The following RPH3A variants were observed in gnomAD, a reference collection of about 807,000 sequenced individuals.
RPH3A encodes the protein rabphilin 3A.
A neutral mutation model predicts 102.2 loss-of-function variants in RPH3A; 48 were observed. That is an observed-to-expected ratio of 0.47 (90% CI 0.37 to 0.60). The LOEUF is 0.60. Among genes scored for constraint, RPH3A ranks in the 20% least tolerant of loss-of-function variants. RPH3A has a pLI of 0.00. For synonymous variants in RPH3A, 310 were observed against 324.3 expected (o/e 0.96, Z 0.47); for missense variants, 781 against 910.1 (o/e 0.86, Z 1.83).
At chr12:112,729,377 G>A (rs918106299) in intron 1 of RPH3A, among the ~76,000 whole-genome samples, 2 of 152,116 alleles carry the variant, frequency 1.3e-5, no homozygotes, top group African/African-American at 4.8e-5. Context: ...GTAGAGACAG[G>A]GTTTCACCAT....
intron 1 of RPH3A, among the ~76,000 whole-genome samples, chr12:112,760,091 C>T (rs1308360458): frequency 6.6e-6 from 1 of 152,178 alleles, no homozygotes; most frequent in Admixed American, 6.5e-5. Context: ...GCTGAAACAC[C>T]ACATTTAATA....
In RPH3A at chr12:112,868,464, G is replaced by C; in HGVS notation, c.479G>C (p.Gly160Ala). 1.2e-6 allele frequency: 2 copies of C among 1,614,130 alleles called. No homozygotes were observed. The highest frequency in any genetic ancestry group is 1.3e-5 in the African/African-American group (1 of 75,024). ...WKRSGAWFFK[G>A]FPKQVLPQPM... is the part of the protein sequence containing the mutation. The stretch of plus-strand genomic sequence containing the variant: ...CGTTCTGGAGCGTGGTTCTTCAAAG[G>C]CTTCCCCAAACAGGTCCTCCCACAG... The change falls in exon 8 of 22, where the codon GGC becomes GCC. Residue 160 changes from glycine (G) to alanine (A), a missense_variant. Around this residue, in one of 2 missense-constraint regions of RPH3A, gnomAD observed 730 missense variants for 810.0 expected, o/e 0.90. Transcript: ENST00000389385.
intron 1 of RPH3A, among the ~76,000 whole-genome samples, chr12:112,679,500 A>G (rs2040212074): frequency 6.6e-6 from 1 of 151,966 alleles, no homozygotes; most frequent in African/African-American, 2.4e-5. Flanking sequence ...ATCTTGGCTC[A>G]CTGCAACCTC....
chr12:112,877,207 T>C (rs1474030576), intron 13 of RPH3A, among the ~76,000 whole-genome samples: 1 of 152,138 alleles, frequency 6.6e-6, no homozygotes, highest in Non-Finnish European at 1.5e-5. Flanking sequence ...AACATAGAAT[T>C]ATTATATGAC....
intron 1 of RPH3A, among the ~76,000 whole-genome samples, chr12:112,645,035 G>A (rs1366062808): frequency 6.6e-6 from 1 of 152,150 alleles, no homozygotes; most frequent in Admixed American, 6.5e-5. Context: ...ATTTTCATTT[G>A]ATTTTTAAAA....
At chr12:112,701,322 G>A (rs549125664) in intron 1 of RPH3A, among the ~76,000 whole-genome samples, 242 of 152,304 alleles carry the variant, frequency 1.6e-3, no homozygotes, top group African/African-American at 5.6e-3. Flanking sequence ...TACAATGCGG[G>A]AAGTTGAAAA....
intron 1 of RPH3A, among the ~76,000 whole-genome samples, chr12:112,582,989 A>G (rs2039410916): frequency 6.6e-6 from 1 of 152,108 alleles, no homozygotes; most frequent in South Asian, 2.1e-4. Context: ...TGCCCCAGAA[A>G]CTTGCTGGGT....
chr12:112,639,455 T>G (rs1174046914), intron 1 of RPH3A, among the ~76,000 whole-genome samples: 1 of 151,408 alleles, frequency 6.6e-6, no homozygotes, highest in Non-Finnish European at 1.5e-5. Flanking sequence ...TGAGAGCACA[T>G]GGATACATGA....
At chr12:112,833,555 T>G (rs142167373) in intron 3 of RPH3A, among the ~76,000 whole-genome samples, 1 of 73,354 alleles carries the variant, frequency 1.4e-5, no homozygotes, top group Non-Finnish European at 3.3e-5. Flanking sequence ...CCAGAAACAC[T>G]TTAGCCCCCT....
At chr12:112,671,074 C>T (rs2040125986) in intron 1 of RPH3A, among the ~76,000 whole-genome samples, 1 of 152,140 alleles carries the variant, frequency 6.6e-6, no homozygotes, top group South Asian at 2.1e-4. Flanking sequence ...TTCTGAGCCA[C>T]CAGCCATGAG....
At chr12:112,683,715 C>A (rs1225162783) in intron 1 of RPH3A, among the ~76,000 whole-genome samples, 3 of 152,124 alleles carry the variant, frequency 2.0e-5, no homozygotes, top group Non-Finnish European at 2.9e-5. Flanking sequence ...GATTCCCACA[C>A]CTCTTTTGTT....
chr12:112,627,375 A>G (rs1013330568), intron 1 of RPH3A, among the ~76,000 whole-genome samples: 1 of 148,790 alleles, frequency 6.7e-6, no homozygotes, highest in African/African-American at 2.4e-5. Flanking sequence ...CATAATATAA[A>G]TTATTATATA....
rs1390704801 is a variant in RPH3A, at chr12:112,632,555, C to G, written c.-140+57236C>G. ...CACAAGGGTTCCTCCAAGTGACAAA[C>G]CCACTGTCCTTGGAGGAGAGTGCAT... On this transcript the variant is annotated intron_variant, in intron 1 of 21. Transcript: ENST00000543106. Among the ~76,000 whole-genome samples the G allele has an allele frequency of 2.0e-5, 3 of 152,200 alleles. No individual in the cohort carries two copies. In the East Asian group the frequency reaches 5.8e-4, roughly 29 times the overall value.
chr12:112,610,116 A>G (rs908105502), intron 1 of RPH3A, among the ~76,000 whole-genome samples: 2 of 151,740 alleles, frequency 1.3e-5, no homozygotes, highest in South Asian at 4.2e-4. Flanking sequence ...GCCACACCAC[A>G]CTGATCGCTC....
intron 1 of RPH3A, among the ~76,000 whole-genome samples, chr12:112,627,504 AT>A: frequency 6.6e-6 from 1 of 151,428 alleles, no homozygotes; most frequent in East Asian, 1.9e-4. Flanking sequence ...AGTGTTATAT[AT>A]TGTGTCAATA....
chr12:112,706,192 G>T (rs2040425897), intron 1 of RPH3A, among the ~76,000 whole-genome samples: 1 of 152,168 alleles, frequency 6.6e-6, no homozygotes, highest in Admixed American at 6.5e-5. Context: ...TAATTGTAAA[G>T]AACTTTATCT....
At chr12:112,579,994 G>C (rs1356481462) in intron 1 of RPH3A, among the ~76,000 whole-genome samples, 1 of 152,140 alleles carries the variant, frequency 6.6e-6, no homozygotes, top group Non-Finnish European at 1.5e-5. Flanking sequence ...TCATTAATTA[G>C]CTGATTAAGT....
intron 5 of RPH3A, among the ~76,000 whole-genome samples, chr12:112,855,462 C>T (rs771829720): frequency 1.1e-4 from 17 of 152,218 alleles, no homozygotes; most frequent in South Asian, 2.1e-4. Context: ...TTGGCTCCCT[C>T]GTCTCCGACT....
intron 1 of RPH3A, among the ~76,000 whole-genome samples, chr12:112,763,078 A>G (rs1047828204): frequency 2.0e-5 from 3 of 152,238 alleles, no homozygotes; most frequent in African/African-American, 7.2e-5. Context: ...TGAAACTCTG[A>G]TGTCATCTCA....
Sources: allele counts gnomAD v4.1 joint callset (sites outside exome capture counted in the v4.1 genomes callset), GRCh38; gene constraint gnomAD v4.1.1; regional missense constraint gnomAD v4.1.1; transcripts MANE v1.5; gene names NCBI Gene and HGNC (gene_info 2026-07-23, HGNC 2026-07-21).